The following NCOA5 variants were observed in gnomAD, a reference collection of about 807,000 sequenced individuals.
NCOA5 encodes the protein NCoA-5.
NCOA5 carries 12 observed loss-of-function variants against 59.0 expected under a neutral mutation model. The observed-to-expected ratio is 0.20, with a 90% CI of 0.13 to 0.33. The LOEUF (loss-of-function observed/expected upper bound fraction) is 0.33. Among genes scored for constraint, NCOA5 ranks in the 10% least tolerant of loss-of-function variants. NCOA5 has a pLI of 1.00. For synonymous variants in NCOA5, 270 were observed against 275.5 expected, an observed-to-expected ratio of 0.98 and a Z score of 0.20; for missense variants, 655 against 766.6, an observed-to-expected ratio of 0.85 and a Z score of 1.72.
intron 1 of NCOA5, 134 bp from the exon 2 acceptor site, chr20:46,079,587 G>GACAC: frequency 1.4e-6 from 1 of 720,022 alleles, no homozygotes. Context: ...ATTCAGCAGA[G>GACAC]ACACACTGTC....
chr20:46,063,648 C>T lies in NCOA5; in HGVS notation c.862G>A (p.Val288Met). The T allele has an allele frequency of 6.2e-7, 1 of 1,614,090 alleles. No homozygotes were observed. The highest frequency in any genetic ancestry group is 8.5e-7 in the Non-Finnish European group (1 of 1,180,036). ...CGCTCATAATTTCTGGCCACCAGCA[C>T]CATGGCATCTGCTTGGGGCATGTTG... ...HRNMPQADAM[V>M]LVARNYERYK... Residue 288 changes from valine to methionine, a missense_variant, in exon 7 of 8, where the codon GTG becomes ATG. By Grantham distance (21) the Val-to-Met change is conservative. Coordinates refer to ENST00000290231, the MANE Select transcript of NCOA5 (RefSeq NM_020967.3).
At chr20:46,075,226 T>C (rs1275801104) in intron 2 of NCOA5, among the ~76,000 whole-genome samples, 1 of 152,010 alleles carries the variant, frequency 6.6e-6, no homozygotes, top group Non-Finnish European at 1.5e-5. Context: ...TGCTTTTCCT[T>C]AGGAAGCACT....
chr20:46,079,610 T>A (rs898460915), intron 1 of NCOA5, among the ~76,000 whole-genome samples, 157 bp from the exon 2 acceptor site: 1 of 152,180 alleles, frequency 6.6e-6, no homozygotes, highest in African/African-American at 2.4e-5. Flanking sequence ...TTGGGCAATT[T>A]TTATTATTGA....
Position 46,063,461 on chromosome 20 carries a change from G to C in NCOA5, c.1049C>G (p.Ala350Gly). 1 of 1,614,202 alleles carries C rather than the reference G, an allele frequency of 6.2e-7. No homozygotes were observed. Among genetic ancestry groups the C allele is most frequent in the Non-Finnish European group, 8.5e-7 (1 of 1,180,038 alleles). The change falls in exon 7 of 8, where the codon GCA becomes GGA. Residue 350 changes from alanine (A) to glycine (G), a missense_variant. Transcript: ENST00000290231. ...TTCAGCAGTGAGGTACCTGTTGTCT[G>C]CCAGCAGGTTGATGAGGCTCTGGAT... Reference protein sequence around the residue: ...PAIQSLINLLADNRYLTAEET... With the variant: ...PAIQSLINLLGDNRYLTAEET...
At chr20:46,066,923 A>G (rs1287993112) in intron 5 of NCOA5, 132 bp downstream of exon 5, 12 of 1,072,190 alleles carry the variant, frequency 1.1e-5, no homozygotes, top group Non-Finnish European at 1.6e-5. Flanking sequence ...CTATAACTGA[A>G]AGAACCCTGG....
chr20:46,078,360 C>A (rs900313582), intron 2 of NCOA5, among the ~76,000 whole-genome samples: 1 of 152,192 alleles, frequency 6.6e-6, no homozygotes, highest in Admixed American at 6.5e-5. Context: ...GTATGTTATG[C>A]GTAATGCTCA....
At chr20:46,085,229 G>T (rs944561642) in intron 1 of NCOA5, among the ~76,000 whole-genome samples, 1 of 151,214 alleles carries the variant, frequency 6.6e-6, no homozygotes, top group Non-Finnish European at 1.5e-5. Context: ...GTCTCCCTAT[G>T]TTGCCCAGGC....
intron 1 of NCOA5, among the ~76,000 whole-genome samples, chr20:46,085,387 TCTAAA>T (rs1274651631): frequency 1.3e-5 from 2 of 151,850 alleles, no homozygotes; most frequent in African/African-American, 2.4e-5. Flanking sequence ...TACAATACAA[TCTAAA>T]GTGGGATTAT....
At chr20:46,089,357 C>T (rs150257896) in intron 1 of NCOA5, among the ~76,000 whole-genome samples, 6 of 152,224 alleles carry the variant, frequency 3.9e-5, no homozygotes, top group African/African-American at 1.4e-4. Flanking sequence ...CACCGCTCGG[C>T]GCTGCACGCC....
Position 46,062,553 on chromosome 20 carries a change from T to C in NCOA5, c.1487A>G (p.Asn496Ser), listed in dbSNP as rs777924896. 1 of 1,614,212 alleles carries C rather than the reference T, an allele frequency of 6.2e-7. No homozygotes were observed. The highest frequency in any genetic ancestry group is 2.2e-5 in the East Asian group (1 of 44,882). The change falls in exon 8 of 8, where the codon AAC (asparagine) becomes AGC (serine). Residue 496 changes from asparagine to serine, a missense_variant. By Grantham distance (46) the Asn-to-Ser change is conservative. This residue lies in a region of NCOA5 where 325 missense variants were observed against 353.2 expected (regional missense o/e 0.92). Coordinates refer to ENST00000290231, the MANE Select transcript of NCOA5 (RefSeq NM_020967.3). ...SILGQGGSAQ[N>S]MGPRPGAPSQ... ...AGGAGCCCCAGGTCTGGGGCCCATG[T>C]TCTGAGCAGATCCTCCCTGTCCCAA...
chr20:46,078,615 T>G (rs1469661049), intron 2 of NCOA5, among the ~76,000 whole-genome samples: 1 of 152,218 alleles, frequency 6.6e-6, no homozygotes, highest in African/African-American at 2.4e-5. Flanking sequence ...CTGTCTGCCC[T>G]CTACACAAAA....
chr20:46,062,760 G>A lies in NCOA5; in HGVS notation c.1280C>T (p.Ser427Phe), dbSNP rs1323694037. The change falls in exon 8 of 8, where the codon TCC becomes TTC. Residue 427 changes from serine to phenylalanine, a missense_variant. Physicochemically the swap from Ser to Phe is radical, Grantham distance 155. This residue lies in a region of NCOA5 where 325 missense variants were observed against 353.2 expected (regional missense o/e 0.92). Transcript: ENST00000290231. ...GATTTTGGCCTGAAGCTCTTGCTGG[G>A]AGGTGGGGGGTGCAGATGGAGTGGG... ...ATPTPSAPPT[S>F]QQELQAKILS... is the part of the protein sequence containing the mutation. The A allele has an allele frequency of 9.3e-6, 15 of 1,608,056 alleles. No homozygotes were observed. The highest frequency in any genetic ancestry group is 1.6e-4 in the Middle Eastern group (1 of 6,064).
At chr20:46,086,652 A>C (rs568832145) in intron 1 of NCOA5, among the ~76,000 whole-genome samples, 36 of 152,328 alleles carry the variant, frequency 2.4e-4, no homozygotes, top group Non-Finnish European at 4.9e-4. Context: ...CTAAACAAAT[A>C]TATGTGCTAT....
chr20:46,063,522 G>A lies in NCOA5; in HGVS notation c.988C>T (p.Pro330Ser). 6.2e-7 allele frequency: 1 copy of A among 1,614,106 alleles called. No individual in the cohort carries two copies. The highest frequency in any genetic ancestry group is 1.3e-5 in the African/African-American group (1 of 75,044). ...TGGCCCCCACGCACTCCCTCCTCAG[G>A]GCCTCCTCTCTCTCTTTCCTGCAGG... The part of the protein sequence containing the change: ...AILQERERGG[P>S]EEGVRGGHPP... The change falls in exon 7 of 8, where the codon CCT (proline) becomes TCT (serine). Residue 330 changes from proline to serine, a missense_variant. Transcript: ENST00000290231.
At position 46,067,037 on chromosome 20, in the gene NCOA5, A is replaced by C. The variant is rs766805844; in HGVS notation, c.629+18T>G. ...TGACTCTTCTCCTTACTGGGGAGAA[A>C]TATCTAAGGGTTCTTACTTTGTCTG... On this transcript the variant is annotated intron_variant, in intron 5 of 7. Coordinates refer to ENST00000290231, the MANE Select transcript of NCOA5 (RefSeq NM_020967.3). 1.2e-6 allele frequency: 2 copies of C among 1,610,528 alleles called. No individual in the cohort carries two copies. The highest frequency in any genetic ancestry group is 1.3e-5 in the African/African-American group (1 of 74,622).
chr20:46,070,384 C>T lies in NCOA5; in HGVS notation c.191G>A (p.Arg64Lys). The T allele has an allele frequency of 6.2e-7, 1 of 1,613,896 alleles. No homozygotes were observed. Among genetic ancestry groups the T allele is most frequent in the East Asian group, 2.2e-5 (1 of 44,854 alleles). The change falls in exon 3 of 8, where the codon AGA becomes AAA. Residue 64 changes from arginine (R) to lysine (K), a missense_variant. Coordinates refer to ENST00000290231, the MANE Select transcript of NCOA5 (RefSeq NM_020967.3). ...IRDPRDLRDH[R>K]HSRDLRDHRD... is the part of the protein sequence containing the mutation. ...GTGATCCCGCAAATCTCTACTATGT[C>T]TGTGGTCCCGCAAGTCTCGGGGGTC...
At chr20:46,074,951 T>C (rs1191526710) in intron 2 of NCOA5, among the ~76,000 whole-genome samples, 1 of 152,218 alleles carries the variant, frequency 6.6e-6, no homozygotes, top group Non-Finnish European at 1.5e-5. Flanking sequence ...CACCGGAATG[T>C]CTTCCTTGGG....
In NCOA5 at chr20:46,079,450, A is replaced by G; in HGVS notation, c.-26T>C. The G allele has an allele frequency of 6.2e-7, 1 of 1,612,424 alleles. No individual in the cohort carries two copies. ...ATTTCTTCTTTCCGCTGCCTTATTA[A>G]TATCTGAAAAGAATAATCAACCCAT... On this transcript the variant is annotated 5_prime_UTR_variant, in exon 2 of 8. Transcript: ENST00000290231.
chr20:46,065,034 G>A lies in NCOA5; in HGVS notation c.824C>T (p.Pro275Leu), dbSNP rs755718694. The A allele has an allele frequency of 2.6e-5, 42 of 1,613,974 alleles. No individual in the cohort carries two copies. Among genetic ancestry groups the A allele is most frequent in the Non-Finnish European group, 3.4e-5 (40 of 1,180,024 alleles). Reference protein sequence around the residue: ...SCTVNIMFGTPQEHRNMPQAD... With the variant: ...SCTVNIMFGTLQEHRNMPQAD... ...CCGGTATTCTGACTCTGTACCTTGC[G>A]GGGTTCCAAACATGATGTTGACTGT... Residue 275 changes from proline (P) to leucine (L), a missense_variant, in exon 6 of 8, where the codon CCG (proline) becomes CTG (leucine). Pro to Leu is a moderately conservative substitution (Grantham distance 98, BLOSUM62 -3). Coordinates refer to ENST00000290231, the MANE Select transcript of NCOA5 (RefSeq NM_020967.3).
Sources: allele counts gnomAD v4.1 joint callset (sites outside exome capture counted in the v4.1 genomes callset), GRCh38; gene constraint gnomAD v4.1.1; regional missense constraint gnomAD v4.1.1; transcripts MANE v1.5; gene names NCBI Gene and HGNC (gene_info 2026-07-23, HGNC 2026-07-21).